GRID2: variants seen among roughly 807,000 people sequenced by gnomAD.
The protein encoded by GRID2 is glutamate ionotropic receptor delta type subunit 2.
In GRID2, 33 loss-of-function variants were observed where a neutral mutation model predicts 114.8. The observed-to-expected ratio is 0.29, with a 90% CI of 0.22 to 0.38. The LOEUF is 0.38. Among genes scored for constraint, GRID2 ranks in the 10% least tolerant of loss-of-function variants. The pLI, the probability that GRID2 is intolerant of heterozygous loss-of-function variation, is 1.00. For missense variants in GRID2, 1,184 were observed against 1,257.7 expected (o/e 0.94, Z 0.89); for synonymous variants, 505 against 449.9 (o/e 1.12, Z -1.55).
At chr4:93,307,126 C>A (rs1382867292) in intron 8 of GRID2, among the ~76,000 whole-genome samples, 1 of 151,098 alleles carries the variant, frequency 6.6e-6, no homozygotes. Context: ...AATGGGGACC[C>A]GGGAGGTGGA....
intron 4 of GRID2, among the ~76,000 whole-genome samples, chr4:93,176,445 T>G (rs1283376420): frequency 1.3e-5 from 2 of 152,200 alleles, no homozygotes; most frequent in African/African-American, 4.8e-5. Context: ...TAAAAATGAT[T>G]AAAAATAAAC....
At chr4:92,790,724 G>GAAAA (rs148843080) in intron 2 of GRID2, among the ~76,000 whole-genome samples, 1 of 99,404 alleles carries the variant, frequency 1.0e-5, no homozygotes. Context: ...AGCTTTTTAA[G>GAAAA]AAAAAAAAAA....
At chr4:93,293,900 G>T (rs1754010016) in intron 8 of GRID2, among the ~76,000 whole-genome samples, 1 of 152,134 alleles carries the variant, frequency 6.6e-6, no homozygotes, top group South Asian at 2.1e-4. Context: ...TTGGTATTAA[G>T]GAACTTATAT....
intron 2 of GRID2, chr4:92,884,751 T>C: frequency 3.6e-6 from 1 of 280,676 alleles, no homozygotes; most frequent in Admixed American, 4.8e-5. Context: ...CTTGAAGGAC[T>C]AATGGAATTG....
intron 2 of GRID2, among the ~76,000 whole-genome samples, chr4:92,636,382 A>G (rs901127200): frequency 4.0e-5 from 6 of 151,662 alleles, no homozygotes; most frequent in Non-Finnish European, 7.4e-5. Flanking sequence ...GATGTTCAGG[A>G]AAAAAAAATT....
intron 1 of GRID2, among the ~76,000 whole-genome samples, chr4:92,332,486 CT>C (rs1444392068): frequency 1.3e-5 from 2 of 152,170 alleles, no homozygotes; most frequent in Non-Finnish European, 2.9e-5. Context: ...CGTTCCACCC[CT>C]GGTCCCCCAA....
chr4:93,517,658 C>T (rs1434146887), intron 13 of GRID2, among the ~76,000 whole-genome samples: 3 of 151,790 alleles, frequency 2.0e-5, no homozygotes, highest in Admixed American at 1.3e-4. Flanking sequence ...AAATAATAAC[C>T]TTTTCACCTG....
At chr4:92,789,507 T>C (rs889943070) in intron 2 of GRID2, among the ~76,000 whole-genome samples, 1 of 151,854 alleles carries the variant, frequency 6.6e-6, no homozygotes, top group Non-Finnish European at 1.5e-5. Flanking sequence ...GCCTGTCTCT[T>C]ATGCCTTTGA....
chr4:92,916,420 T>C (rs1040656164), intron 2 of GRID2, among the ~76,000 whole-genome samples: 3 of 152,134 alleles, frequency 2.0e-5, no homozygotes, highest in Admixed American at 1.3e-4. Context: ...AAAGGTTAGT[T>C]ACATATGTAT....
In GRID2 at chr4:93,772,374, A is replaced by C; in HGVS notation, c.2900A>C (p.His967Pro). Residue 967 changes from histidine (H) to proline (P), a missense_variant, in exon 16 of 16, where the codon CAC becomes CCC. Physicochemically the swap from His to Pro is moderately conservative, Grantham distance 77. Coordinates refer to ENST00000282020, the MANE Select transcript of GRID2 (RefSeq NM_001510.4). ...GAGCACCGAACTGGCCCTTTTAGGC[A>C]CAGGGCACCTAATGGGGGCTTTTTC... Reference protein sequence around the residue: ...VPEHRTGPFRHRAPNGGFFRS... With the variant: ...VPEHRTGPFRPRAPNGGFFRS... The C allele has an allele frequency of 6.2e-7, 1 of 1,614,042 alleles. No homozygotes were observed. Among genetic ancestry groups the C allele is most frequent in the Non-Finnish European group, 8.5e-7 (1 of 1,179,970 alleles).
chr4:92,923,524 T>G (rs1749540877), intron 2 of GRID2, among the ~76,000 whole-genome samples: 1 of 152,206 alleles, frequency 6.6e-6, no homozygotes, highest in South Asian at 2.1e-4. Flanking sequence ...ATCACTTTAT[T>G]CTTTATAAAT....
intron 4 of GRID2, among the ~76,000 whole-genome samples, chr4:93,144,787 G>T (rs1269571025): frequency 6.6e-6 from 1 of 152,136 alleles, no homozygotes; most frequent in East Asian, 1.9e-4. Context: ...AGACTGAAAT[G>T]GTGTACTTTC....
chr4:93,362,105 C>T (rs1305792167), intron 8 of GRID2, among the ~76,000 whole-genome samples: 1 of 152,064 alleles, frequency 6.6e-6, no homozygotes, highest in Non-Finnish European at 1.5e-5. Context: ...ACTCAGTGCA[C>T]CACAGGTTTC....
chr4:93,473,715 A>G (rs1443417002), intron 11 of GRID2, among the ~76,000 whole-genome samples: 1 of 152,164 alleles, frequency 6.6e-6, no homozygotes, highest in Non-Finnish European at 1.5e-5. Context: ...ATGTAATGCA[A>G]GAAGGCTATA....
intron 2 of GRID2, among the ~76,000 whole-genome samples, chr4:92,683,440 C>G (rs935507492): frequency 2.0e-5 from 3 of 151,808 alleles, no homozygotes; most frequent in African/African-American, 7.3e-5. Context: ...AGATATTTAC[C>G]AAGTCATTAT....
chr4:92,414,614 AC>A (rs1159601994), intron 1 of GRID2, among the ~76,000 whole-genome samples: 1 of 152,160 alleles, frequency 6.6e-6, no homozygotes, highest in Admixed American at 6.6e-5. Context: ...AGTAAATGGT[AC>A]AAAGGCAAAC....
chr4:93,332,163 G>T (rs1758531377), intron 8 of GRID2, among the ~76,000 whole-genome samples: 1 of 151,944 alleles, frequency 6.6e-6, no homozygotes, highest in African/African-American at 2.4e-5. Flanking sequence ...TCGCTGTCTT[G>T]TTTCTGAACA....
intron 2 of GRID2, among the ~76,000 whole-genome samples, chr4:92,775,600 C>T (rs1050922587): frequency 2.0e-5 from 3 of 152,090 alleles, no homozygotes; most frequent in Non-Finnish European, 4.4e-5. Flanking sequence ...TACATACGGG[C>T]TCAGGATACT....
chr4:92,801,964 G>A (rs113105792), intron 2 of GRID2, among the ~76,000 whole-genome samples: 3 of 151,544 alleles, frequency 2.0e-5, no homozygotes, highest in African/African-American at 7.3e-5. Context: ...TGACCACACA[G>A]GTATACAATG....
Sources: gnomAD v4.1 joint callset for allele counts (sites outside exome capture counted in the v4.1 genomes callset) on GRCh38, gnomAD v4.1.1 for gene constraint, MANE v1.5 for transcripts, NCBI Gene and HGNC (gene_info 2026-07-23, HGNC 2026-07-21) for gene names.